The following SLIT3 variants were observed in gnomAD, a reference collection of about 807,000 sequenced individuals.
SLIT3 encodes the protein slit guidance ligand 3, also known as slit homolog 3 protein.
A neutral mutation model predicts 184.0 loss-of-function variants in SLIT3; 68 were observed. The ratio of observed to expected loss-of-function variants is 0.37; its 90% CI spans 0.30 to 0.45. SLIT3 has a LOEUF of 0.45. Ranked by LOEUF, SLIT3 falls within the 20% of genes least tolerant of loss-of-function variation. The probability of loss-of-function intolerance (pLI) is 1.00; values close to 1 mark genes in which losing one functional copy is unlikely to be tolerated. For synonymous variants in SLIT3, 831 were observed against 828.6 expected (o/e 1.00, Z -0.05); for missense variants, 1,707 against 2,026.0 (o/e 0.84, Z 3.02).
chr5:169,045,393 A>C, intron 4 of SLIT3, among the ~76,000 whole-genome samples: 1 of 151,024 alleles, frequency 6.6e-6, no homozygotes, highest in Non-Finnish European at 1.5e-5. Context: ...TACTATTGTT[A>C]CTTCAAAGAC....
At chr5:169,226,540 C>T (rs567428878) in intron 3 of SLIT3, among the ~76,000 whole-genome samples, 2 of 152,320 alleles carry the variant, frequency 1.3e-5, no homozygotes, top group East Asian at 3.9e-4. Context: ...GACATTGTTT[C>T]CTCATCTGTC....
At position 169,011,279 on chromosome 5, in the gene SLIT3, T is replaced by A. The variant is rs145794375; in HGVS notation, c.414-127943A>T. Among the ~76,000 whole-genome samples the A allele has an allele frequency of 1.5e-3, 227 of 152,266 alleles. 2 individuals carry two copies. The highest frequency in any genetic ancestry group is 0.01 in the Middle Eastern group (3 of 292). On this transcript the variant is annotated intron_variant, in intron 4 of 35. Transcript: ENST00000519560. ...AGTTTTTGGCGTGTCCGACTCCACA[T>A]TACCACTCTCCAGTGTGTAAAAAAG...
At chr5:169,024,379 G>A (rs115090277) in intron 4 of SLIT3, 2,956 of 152,334 alleles carry the variant, frequency 0.019, 31 homozygotes, top group Non-Finnish European at 0.026. Flanking sequence ...AACATGAGCC[G>A]TGGGAAGACA....
At chr5:169,047,358 A>G (rs1398414360) in intron 4 of SLIT3, among the ~76,000 whole-genome samples, 1 of 152,118 alleles carries the variant, frequency 6.6e-6, no homozygotes, top group African/African-American at 2.4e-5. Flanking sequence ...TGCTGATTTT[A>G]CAGCTGAAAT....
At chr5:169,052,733 G>T (rs1245399231) in intron 4 of SLIT3, among the ~76,000 whole-genome samples, 1 of 152,156 alleles carries the variant, frequency 6.6e-6, no homozygotes, top group East Asian at 1.9e-4. Context: ...CTCTGAGGTT[G>T]AACTGGGTTT....
intron 1 of SLIT3, among the ~76,000 whole-genome samples, chr5:169,260,407 C>T (rs574415618): frequency 6.6e-6 from 1 of 152,298 alleles, no homozygotes; most frequent in South Asian, 2.1e-4. Flanking sequence ...TCCCTATGAG[C>T]TAAGCAGGGG....
At chr5:168,900,780 A>G (rs1470740233) in intron 4 of SLIT3, among the ~76,000 whole-genome samples, 1 of 152,268 alleles carries the variant, frequency 6.6e-6, no homozygotes. Flanking sequence ...CTATTCAGCC[A>G]TAAAAACGAA....
intron 4 of SLIT3, among the ~76,000 whole-genome samples, chr5:168,919,581 T>C (rs1035539672): frequency 1.5e-4 from 23 of 152,086 alleles, no homozygotes; most frequent in African/African-American, 4.6e-4. Context: ...TACCTCTGTA[T>C]AGGAGAATAT....
chr5:169,093,021 A>G (rs978720465), intron 4 of SLIT3, among the ~76,000 whole-genome samples: 5 of 152,096 alleles, frequency 3.3e-5, no homozygotes, highest in Admixed American at 2.6e-4. Flanking sequence ...GGTTTTCAAT[A>G]TTTTTTATTT....
intron 10 of SLIT3, chr5:168,789,932 G>A (rs1756301478): frequency 3.1e-6 from 1 of 327,180 alleles, no homozygotes; most frequent in Non-Finnish European, 5.6e-6. Context: ...GTGGAAAATT[G>A]AGCCCAGTCA....
intron 4 of SLIT3, among the ~76,000 whole-genome samples, chr5:169,051,487 G>C (rs1027887727): frequency 1.3e-4 from 20 of 152,114 alleles, no homozygotes; most frequent in African/African-American, 4.8e-4. Context: ...ATGTTAATTG[G>C]AATCAATAGA....
At chr5:168,985,613 T>C (rs1217512781) in intron 4 of SLIT3, among the ~76,000 whole-genome samples, 4 of 152,102 alleles carry the variant, frequency 2.6e-5, no homozygotes, top group Non-Finnish European at 4.4e-5. Context: ...GCGCAGCATG[T>C]GGTCTGGGCT....
chr5:168,840,911 G>A (rs1455596969), intron 6 of SLIT3, among the ~76,000 whole-genome samples: 1 of 152,164 alleles, frequency 6.6e-6, no homozygotes, highest in African/African-American at 2.4e-5. Flanking sequence ...GTGTATCAGT[G>A]AAAAAGCAGG....
rs1435564787 is a variant in SLIT3, at chr5:168,897,312, A to G, written c.414-13976T>C. Among the ~76,000 whole-genome samples the G allele has an allele frequency of 2.0e-5, 3 of 152,076 alleles. No individual in the cohort carries two copies. In the East Asian group the frequency reaches 5.8e-4, roughly 29 times the overall value. ...TTTCCATCTCCAAACCCCATGGAGG[A>G]GGCTGCTCCAGGAGCCAGGGACAGA... On this transcript the variant is annotated intron_variant, in intron 4 of 35. Coordinates refer to ENST00000519560, the MANE Select transcript of SLIT3 (RefSeq NM_003062.4).
intron 4 of SLIT3, among the ~76,000 whole-genome samples, chr5:168,916,953 C>T (rs188182476): frequency 2.0e-4 from 30 of 152,172 alleles, no homozygotes; most frequent in African/African-American, 6.5e-4. Flanking sequence ...TTATTGATAG[C>T]GGCGTCTCTC....
At chr5:169,279,446 CT>C (rs1052508912) in intron 1 of SLIT3, among the ~76,000 whole-genome samples, 2 of 152,100 alleles carry the variant, frequency 1.3e-5, no homozygotes. Context: ...GAGTTAGGAA[CT>C]AGCTGAATCT....
intron 6 of SLIT3, among the ~76,000 whole-genome samples, chr5:168,828,386 A>G (rs762136323): frequency 2.6e-5 from 4 of 152,108 alleles, no homozygotes; most frequent in Non-Finnish European, 2.9e-5. Flanking sequence ...ATCCCAGTAC[A>G]TTGTGAGGCC....
rs889541423 is a variant in SLIT3 at position 168,662,310 on chromosome 5, A to G, written c.*4144T>C. On this transcript the variant is annotated 3_prime_UTR_variant, in exon 36 of 36. Coordinates refer to ENST00000519560, the MANE Select transcript of SLIT3 (RefSeq NM_003062.4). ...TCTGAGGGGCAGGTCACTTGTTGCTATGGGCTTCTGCTCCCAGCAAAGGCA... is the reference window on the plus strand; with the variant it reads ...TCTGAGGGGCAGGTCACTTGTTGCTGTGGGCTTCTGCTCCCAGCAAAGGCA... 1 of 152,154 alleles carries G rather than the reference A, an allele frequency of 6.6e-6. No homozygotes were observed. The highest frequency in any genetic ancestry group is 2.4e-5 in the African/African-American group (1 of 41,414). 9.4% of individuals were successfully genotyped at this position (152,154 alleles called of 1,614,324 possible).
chr5:168,731,185 C>T (rs1763278350), intron 20 of SLIT3, among the ~76,000 whole-genome samples: 1 of 151,894 alleles, frequency 6.6e-6, no homozygotes, highest in Admixed American at 6.6e-5. Context: ...AAATCTAGAG[C>T]AAATGGATAA....
Sources: gnomAD v4.1 joint callset for allele counts (sites outside exome capture counted in the v4.1 genomes callset) on GRCh38, gnomAD v4.1.1 for gene constraint, MANE v1.5 for transcripts, NCBI Gene and HGNC (gene_info 2026-07-23, HGNC 2026-07-21) for gene names.